The following ADAP1 variants were observed in gnomAD, a reference collection of about 807,000 sequenced individuals.
ADAP1 encodes the protein arf-GAP with dual PH domain-containing protein 1.
ADAP1 carries 31 observed loss-of-function variants against 54.9 expected under a neutral mutation model. That is an observed-to-expected ratio of 0.56 (90% CI 0.42 to 0.76). The LOEUF is 0.76. Ranked by LOEUF, ADAP1 falls within the 30% of genes least tolerant of loss-of-function variation. The pLI is 0.00. For synonymous variants in ADAP1, 313 were observed against 202.6 expected, an observed-to-expected ratio of 1.55 and a Z score of -4.63; for missense variants, 535 against 512.4, an observed-to-expected ratio of 1.04 and a Z score of -0.42.
chr7:915,516 T>G (rs1249038744), intron 4 of ADAP1, among the ~76,000 whole-genome samples: 1 of 152,352 alleles, frequency 6.6e-6, no homozygotes, highest in East Asian at 1.9e-4. Flanking sequence ...GCTCCGACCC[T>G]GCGAGCAAGC....
chr7:904,303 AG>A, intron 5 of ADAP1, 31 bp from the exon 6 acceptor site: 1 of 1,537,718 alleles, frequency 6.5e-7, no homozygotes, highest in Non-Finnish European at 8.8e-7. Flanking sequence ...AGCACCTCAC[AG>A]GGGCCGTCGT....
At chr7:916,989 G>A (rs575384874) in intron 4 of ADAP1, among the ~76,000 whole-genome samples, 1 of 97,232 alleles carries the variant, frequency 1.0e-5, no homozygotes, top group Non-Finnish European at 2.1e-5. Flanking sequence ...GGAGGGGTGC[G>A]CAGTGCCAGC....
chr7:915,056 C>T (rs1340197877), intron 4 of ADAP1, among the ~76,000 whole-genome samples: 1 of 109,348 alleles, frequency 9.1e-6, no homozygotes, highest in Non-Finnish European at 1.9e-5. Flanking sequence ...GTGCCTGGTG[C>T]CTCCTGCGCG....
intron 4 of ADAP1, among the ~76,000 whole-genome samples, chr7:918,155 T>C (rs1204120530): frequency 6.6e-6 from 1 of 152,198 alleles, no homozygotes; most frequent in African/African-American, 2.4e-5. Flanking sequence ...CTCAAACTGC[T>C]GACTGCAACG....
In ADAP1 at chr7:919,980, G is replaced by GC; in HGVS notation, c.375dup (p.Pro126AlafsTer8). ...CGGGTGGCCTCACCTGCCGAGTAGG[G>GC]CTCCTGCTTCTCCGGGTAGATGAAC... On this transcript the variant is annotated frameshift_variant, in exon 4 of 11. Coordinates refer to ENST00000265846, the MANE Select transcript of ADAP1 (RefSeq NM_006869.4). LOFTEE classifies it high-confidence loss of function. 6.2e-7 allele frequency: 1 copy of GC among 1,605,880 alleles called. No homozygotes were observed. The highest frequency in any genetic ancestry group is 8.5e-7 in the Non-Finnish European group (1 of 1,179,214).
chr7:926,994 G>A lies in ADAP1; in HGVS notation c.214-350C>T, dbSNP rs1396370459. ...CGTGGGAGAGAGCTGGCTGCATCCT[G>A]TGACCCCCATCTCTGCCCCAGAGAG... On this transcript the variant is annotated intron_variant, in intron 2 of 10. Transcript: ENST00000265846. The surrounding 1 kb of genome is among the most constrained non-coding windows in gnomAD (Gnocchi z 4.6). The A allele has an allele frequency of 7.9e-7, 1 of 1,261,518 alleles. No homozygotes were observed. Among genetic ancestry groups the A allele is most frequent in the Non-Finnish European group, 1.0e-6 (1 of 977,762 alleles). The allele number at this position is 1,261,518 out of a possible 1,614,324, so 78.1% of individuals were successfully genotyped here.
chr7:923,983 G>A (rs556939305), intron 3 of ADAP1, among the ~76,000 whole-genome samples: 12 of 152,158 alleles, frequency 7.9e-5, no homozygotes, highest in East Asian at 1.9e-4. Context: ...CCACAGAGCC[G>A]GACCACAAAA....
At position 938,093 on chromosome 7, in the gene ADAP1, T is replaced by C. The variant is rs1285803061; in HGVS notation, c.83-2588A>G. 6.6e-6 allele frequency among the ~76,000 whole-genome samples: 1 copy of C among 152,200 alleles called. No homozygotes were observed. Among genetic ancestry groups the C allele is most frequent in the East Asian group, 1.9e-4 (1 of 5,200 alleles). On this transcript the variant is annotated intron_variant, in intron 1 of 10. Transcript: ENST00000265846. This position sits in a 1 kb window ranked among gnomAD's most constrained non-coding sequence, Gnocchi z 4.4. ...CGGGTACCAGGAGTTTTGCCTGTGC[T>C]GAGTAGGGCGGCTTTTGGGAGAAAG... is the stretch of plus-strand genomic sequence containing the variant.
chr7:899,389 T>TC (rs1229862178), intron 9 of ADAP1, 30 bp downstream of exon 9: 2 of 1,611,612 alleles, frequency 1.2e-6, no homozygotes, highest in East Asian at 2.2e-5. Flanking sequence ...TGAGCTGCCC[T>TC]CCCGTGCTGG....
At position 920,293 on chromosome 7, in the gene ADAP1, C is replaced by T. The variant is rs1283046000; in HGVS notation, c.306-243G>A. On this transcript the variant is annotated intron_variant, in intron 3 of 10. Coordinates refer to ENST00000265846, the MANE Select transcript of ADAP1 (RefSeq NM_006869.4). The surrounding 1 kb of genome is among the most constrained non-coding windows in gnomAD (Gnocchi z 4.5). Reference sequence around the variant, plus strand: ...GTTCGGCCCCCGGAGCATCAGGCCTCACGTTCTGCACAAGCGTTCCCGGTG... The same window carrying T: ...GTTCGGCCCCCGGAGCATCAGGCCTTACGTTCTGCACAAGCGTTCCCGGTG... Among the ~76,000 whole-genome samples, 1 of 152,144 alleles carries T rather than the reference C, an allele frequency of 6.6e-6. No individual in the cohort carries two copies. Among genetic ancestry groups the T allele is most frequent in the African/African-American group, 2.4e-5 (1 of 41,428 alleles).
intron 3 of ADAP1, chr7:923,374 G>C (rs1265145769): frequency 2.6e-5 from 4 of 151,974 alleles, no homozygotes; most frequent in African/African-American, 4.8e-5. Context: ...TCCCTCACTC[G>C]CCCTGATCAC....
intron 5 of ADAP1, 108 bp downstream of exon 5, chr7:904,931 GAGCGTCCCCATCGGGGGGGGC>G: frequency 1.3e-6 from 1 of 785,602 alleles, no homozygotes; most frequent in Non-Finnish European, 2.1e-6. Context: ...GGTTCTCCTG[GAGCGTCCCCATCGGGGGGGGC>G]AGCAGGGAGG....
chr7:900,310 T>C lies in ADAP1; in HGVS notation c.733-146A>G, dbSNP rs1844725194. ...TTAGCCTCCGCAGGATCCACATTTC[T>C]GCCTCTGCTTGCCACCCCTTCCCTC... On this transcript the variant is annotated intron_variant, in intron 7 of 10. Coordinates refer to ENST00000265846, the MANE Select transcript of ADAP1 (RefSeq NM_006869.4). 12 of 1,030,510 alleles carry C rather than the reference T, an allele frequency of 1.2e-5. No homozygotes were observed. The South Asian group carries it at 1.6e-4, about 14-fold the overall frequency. The allele number at this position is 1,030,510 out of a possible 1,614,324, so 63.8% of individuals were successfully genotyped here.
chr7:910,069 G>GTT (rs71020543), intron 4 of ADAP1, among the ~76,000 whole-genome samples: 2 of 151,990 alleles, frequency 1.3e-5, no homozygotes, highest in Non-Finnish European at 2.9e-5. Flanking sequence ...AAACCAGTGT[G>GTT]CACACACAGG....
intron 2 of ADAP1, among the ~76,000 whole-genome samples, chr7:933,210 G>T (rs999326105): frequency 6.6e-6 from 1 of 151,686 alleles, no homozygotes; most frequent in Non-Finnish European, 1.5e-5. Context: ...GGTGGAGCTT[G>T]CAGTGAGCCG....
chr7:908,655 C>A (rs955642118), intron 4 of ADAP1, among the ~76,000 whole-genome samples: 7 of 152,200 alleles, frequency 4.6e-5, no homozygotes, highest in African/African-American at 9.6e-5. Flanking sequence ...CTGGGTGTCC[C>A]CACGGCTCTG....
rs76805149 is a variant in ADAP1 at position 904,099 on chromosome 7, C to A, written c.648+27G>T. Reference sequence around the variant, plus strand: ...TGAGGGCCCACCCTCCTGTGCCACCCGGGCCCGAGTGCTCGCCAGCACCCA... The same window carrying A: ...TGAGGGCCCACCCTCCTGTGCCACCAGGGCCCGAGTGCTCGCCAGCACCCA... On this transcript the variant is annotated intron_variant, in intron 6 of 10. Transcript: ENST00000265846. The A allele has an allele frequency of 5.3e-4, 859 of 1,610,266 alleles. 5 individuals carry two copies. Among genetic ancestry groups the A allele is most frequent in the South Asian group, 2.5e-3 (226 of 90,906 alleles).
At chr7:906,760 AG>A (rs1562915530) in intron 4 of ADAP1, among the ~76,000 whole-genome samples, 22 of 24,266 alleles carry the variant, frequency 9.1e-4, no homozygotes, top group Admixed American at 4.3e-4. Flanking sequence ...GGACATGGAC[AG>A]GGGACATGGG....
Position 920,130 on chromosome 7 carries a change from G to A in ADAP1, c.306-80C>T, listed in dbSNP as rs868699964. On this transcript the variant is annotated intron_variant, in intron 3 of 10. Coordinates refer to ENST00000265846, the MANE Select transcript of ADAP1 (RefSeq NM_006869.4). The surrounding 1 kb of genome is among the most constrained non-coding windows in gnomAD (Gnocchi z 4.5). The stretch of plus-strand genomic sequence containing the variant: ...CACGCCGCTCTCTGGCCCGGACCCT[G>A]GACATCTCAAGAGGCTCATAGGGAC... The A allele has an allele frequency of 1.5e-6, 2 of 1,361,662 alleles. No individual in the cohort carries two copies. The highest frequency in any genetic ancestry group is 2.0e-6 in the Non-Finnish European group (2 of 982,050). The allele number at this position is 1,361,662 out of a possible 1,614,324, so 84.3% of individuals were successfully genotyped here. A position where few individuals can be genotyped will look rare whatever the true frequency, so the allele number is the denominator to read the frequency against.
Sources: gnomAD v4.1 joint callset for allele counts (sites outside exome capture counted in the v4.1 genomes callset) on GRCh38, gnomAD v4.1.1 for gene constraint, Gnocchi (gnomAD v3.1) non-coding constraint, MANE v1.5 for transcripts, NCBI Gene and HGNC (gene_info 2026-07-23, HGNC 2026-07-21) for gene names.